Variants in TANC2 observed in about 807,000 individuals in gnomAD.
TANC2 encodes the protein protein TANC2.
A neutral mutation model predicts 210.5 loss-of-function variants in TANC2; 26 were observed. The observed-to-expected ratio is 0.12, with a 90% CI of 0.09 to 0.17. The LOEUF (loss-of-function observed/expected upper bound fraction) is 0.17, where lower values mean the gene tolerates loss of function less well. Among genes scored for constraint, TANC2 ranks in the 10% least tolerant of loss-of-function variants. TANC2 has a pLI of 1.00. For synonymous variants in TANC2, 931 were observed against 967.1 expected (o/e 0.96, Z 0.69); for missense variants, 2,129 against 2,608.9 (o/e 0.82, Z 4.01).
chr17:63,049,979 A>G (rs1598314910), intron 2 of TANC2, among the ~76,000 whole-genome samples: 1 of 152,176 alleles, frequency 6.6e-6, no homozygotes, highest in Non-Finnish European at 1.5e-5. Flanking sequence ...GTTTACAGAG[A>G]TGAGGAAGAC....
intron 8 of TANC2, among the ~76,000 whole-genome samples, chr17:63,258,553 A>G (rs1362940318): frequency 6.6e-6 from 1 of 151,924 alleles, no homozygotes; most frequent in African/African-American, 2.4e-5. Context: ...AGCGGGCACC[A>G]AAGCCACAAG....
At chr17:63,020,313 T>A (rs533462728) in intron 2 of TANC2, among the ~76,000 whole-genome samples, 1 of 152,184 alleles carries the variant, frequency 6.6e-6, no homozygotes, top group East Asian at 1.9e-4. Flanking sequence ...ATTCTTTTTC[T>A]TTTTTTTCAA....
chr17:63,226,336 G>C (rs528299916), intron 7 of TANC2, among the ~76,000 whole-genome samples: 1 of 151,984 alleles, frequency 6.6e-6, no homozygotes, highest in Admixed American at 6.6e-5. Flanking sequence ...CATGTGCCTC[G>C]GTTGCCCTTA....
At chr17:63,177,040 G>A (rs982599328) in intron 5 of TANC2, among the ~76,000 whole-genome samples, 1 of 151,768 alleles carries the variant, frequency 6.6e-6, no homozygotes, top group African/African-American at 2.4e-5. Flanking sequence ...GAGGTGGGCG[G>A]ATCACTTGAG....
chr17:63,418,194 CAG>C lies in TANC2; in HGVS notation c.4168-112_4168-111del, dbSNP rs1170499637. On this transcript the variant is annotated intron_variant, in intron 26 of 27. Coordinates refer to ENST00000689528, the Ensembl canonical transcript of TANC2. This position sits in a 1 kb window ranked among gnomAD's most constrained non-coding sequence, Gnocchi z 4.6. The stretch of plus-strand genomic sequence containing the variant: ...GCCATGTCAGGCACGTCTAGCGTCC[CAG>C]GCGTTCCATCCATGAATGTCAAAAA... 2.7e-6 allele frequency: 3 copies of C among 1,093,124 alleles called. No homozygotes were observed. The highest frequency in any genetic ancestry group is 4.0e-6 in the Non-Finnish European group (3 of 754,874). 67.7% of individuals were successfully genotyped at this position (1,093,124 alleles called of 1,614,324 possible).
intron 3 of TANC2, among the ~76,000 whole-genome samples, chr17:63,090,004 A>G (rs1247702162): frequency 6.6e-6 from 1 of 152,140 alleles, no homozygotes; most frequent in Non-Finnish European, 1.5e-5. Context: ...TTTTTAAAAC[A>G]TATATAGTCA....
At chr17:63,064,865 C>CTT (rs571504948) in intron 2 of TANC2, among the ~76,000 whole-genome samples, 3 of 145,298 alleles carry the variant, frequency 2.1e-5, no homozygotes, top group Non-Finnish European at 3.0e-5. Context: ...ATGTCTCAAA[C>CTT]TTTTTTTTTT....
rs1350562153 is a variant in TANC2 at position 63,412,106 on chromosome 17, C to T, written c.3874C>T (p.Leu1292Phe). 3 of 1,613,968 alleles carry T rather than the reference C, an allele frequency of 1.9e-6. No homozygotes were observed. The highest frequency in any genetic ancestry group is 2.2e-5 in the East Asian group (1 of 44,864). ...CCGGAACACTTCTGTTGTTGTCACTCTTCTGAAGAAAGGAGCCAAGATAGG... is the reference window on the plus strand; with the variant it reads ...CCGGAACACTTCTGTTGTTGTCACTTTTCTGAAGAAAGGAGCCAAGATAGG... The change falls in exon 23 of 28, where the codon CTT becomes TTT. Residue 1292 changes from leucine to phenylalanine, a missense_variant. Transcript: ENST00000689528. The surrounding 1 kb of genome is among the most constrained non-coding windows in gnomAD (Gnocchi z 4.2).
intron 7 of TANC2, among the ~76,000 whole-genome samples, chr17:63,213,083 TA>T (rs1313360543): frequency 2.6e-5 from 4 of 152,228 alleles, no homozygotes; most frequent in Non-Finnish European, 4.4e-5. Flanking sequence ...TGATTATTTA[TA>T]AAGTCTATGA....
intron 2 of TANC2, among the ~76,000 whole-genome samples, chr17:63,026,558 G>A (rs1412844147): frequency 6.6e-6 from 1 of 152,098 alleles, no homozygotes; most frequent in Non-Finnish European, 1.5e-5. Flanking sequence ...TGAAAAGAAT[G>A]GGAAGAAATA....
intron 7 of TANC2, among the ~76,000 whole-genome samples, chr17:63,205,668 C>T (rs1282865336): frequency 6.6e-6 from 1 of 151,998 alleles, no homozygotes. Context: ...ACAGGTTACA[C>T]AACTTTGGGA....
At chr17:63,170,728 A>T (rs973894841) in intron 5 of TANC2, among the ~76,000 whole-genome samples, 4 of 152,178 alleles carry the variant, frequency 2.6e-5, no homozygotes, top group Non-Finnish European at 5.9e-5. Context: ...ATATTCTGAA[A>T]TCGAAATGGT....
At chr17:63,201,905 A>G (rs1042892414) in intron 7 of TANC2, among the ~76,000 whole-genome samples, 12 of 152,152 alleles carry the variant, frequency 7.9e-5, no homozygotes, top group Admixed American at 1.3e-4. Flanking sequence ...TATGAAAATC[A>G]TAGGATATTT....
At chr17:63,197,595 AAAAC>A (rs1567806712) in intron 6 of TANC2, 1 of 152,224 alleles carries the variant, frequency 6.6e-6, no homozygotes, top group African/African-American at 2.4e-5. Context: ...TTCTGCAAAA[AAAAC>A]AAAGCATGAA....
At chr17:63,043,094 A>G (rs1390534010) in intron 2 of TANC2, among the ~76,000 whole-genome samples, 1 of 152,098 alleles carries the variant, frequency 6.6e-6, no homozygotes, top group Non-Finnish European at 1.5e-5. Context: ...GAAAGATTAC[A>G]TGACATGAAA....
intron 4 of TANC2, among the ~76,000 whole-genome samples, chr17:63,111,967 G>A (rs2038066162): frequency 6.6e-6 from 1 of 152,020 alleles, no homozygotes; most frequent in Admixed American, 6.6e-5. Flanking sequence ...CTTGTGATCC[G>A]CCCGCCTCGG....
chr17:63,194,452 C>T (rs769030787), intron 6 of TANC2, among the ~76,000 whole-genome samples: 99 of 151,966 alleles, frequency 6.5e-4, no homozygotes, highest in Non-Finnish European at 1.6e-4. Flanking sequence ...GATTATTTAC[C>T]GAATTGGTTA....
At chr17:63,052,706 A>C (rs187403385) in intron 2 of TANC2, among the ~76,000 whole-genome samples, 1 of 152,006 alleles carries the variant, frequency 6.6e-6, no homozygotes, top group African/African-American at 2.4e-5. Context: ...ATCTTTTCCC[A>C]TGTTTAGGGA....
intron 5 of TANC2, among the ~76,000 whole-genome samples, chr17:63,192,495 A>C (rs568101449): frequency 6.6e-6 from 1 of 152,238 alleles, no homozygotes; most frequent in East Asian, 1.9e-4. Context: ...CAATATGCCT[A>C]TTATTACAAG....
Sources: gnomAD v4.1 joint callset for allele counts (sites outside exome capture counted in the v4.1 genomes callset) on GRCh38, gnomAD v4.1.1 for gene constraint, Gnocchi (gnomAD v3.1) non-coding constraint, MANE v1.5 for transcripts, NCBI Gene and HGNC (gene_info 2026-07-23, HGNC 2026-07-21) for gene names.